The following ZNF251 variants were observed in gnomAD, a reference collection of about 807,000 sequenced individuals.
ZNF251 encodes zinc finger protein 251.
ZNF251 carries 14 observed loss-of-function variants against 13.5 expected under a neutral mutation model. That is an observed-to-expected ratio of 1.04 (90% CI 0.69 to 1.63). The LOEUF (loss-of-function observed/expected upper bound fraction) is 1.63. Ranked by LOEUF, ZNF251 falls within the 40% of genes most tolerant of loss-of-function variation. The pLI, the probability that ZNF251 is intolerant of heterozygous loss-of-function variation, is 0.00. For missense variants in ZNF251, 764 were observed against 834.9 expected, an observed-to-expected ratio of 0.92 and a Z score of 1.05; for synonymous variants, 287 against 295.2, an observed-to-expected ratio of 0.97 and a Z score of 0.28.
At chr8:144,731,376 A>T (rs1390208446) in intron 4 of ZNF251, among the ~76,000 whole-genome samples, 1 of 152,246 alleles carries the variant, frequency 6.6e-6, no homozygotes, top group Non-Finnish European at 1.5e-5. Context: ...TCTGGGCAAC[A>T]ATAACATTAT....
At chr8:144,748,283 A>C (rs1254420993) in intron 4 of ZNF251, among the ~76,000 whole-genome samples, 1 of 151,844 alleles carries the variant, frequency 6.6e-6, no homozygotes, top group Non-Finnish European at 1.5e-5. Context: ...CATGTTGGCC[A>C]GGCTAGTCTT....
chr8:144,750,397 C>T (rs1276520095), intron 4 of ZNF251, among the ~76,000 whole-genome samples: 2 of 152,122 alleles, frequency 1.3e-5, no homozygotes, highest in Non-Finnish European at 2.9e-5. Flanking sequence ...TTTCAGCTTC[C>T]CCCACCTGCC....
chr8:144,754,613 G>A (rs1214991866), intron 2 of ZNF251, 83 bp downstream of exon 2: 9 of 1,509,542 alleles, frequency 6.0e-6, no homozygotes. Context: ...CCAGTTGCCG[G>A]GCTCACGGCT....
chr8:144,754,412 A>AG (rs1015119479), intron 2 of ZNF251, 91 bp from the exon 3 acceptor site: 34 of 1,471,860 alleles, frequency 2.3e-5, no homozygotes, highest in Admixed American at 1.5e-4. Context: ...CCCACTACCC[A>AG]GGGCCCTGCT....
intron 4 of ZNF251, among the ~76,000 whole-genome samples, chr8:144,751,371 C>T (rs1039695211): frequency 6.6e-5 from 10 of 152,058 alleles, no homozygotes; most frequent in Non-Finnish European, 1.3e-4. Context: ...CTGAAATTAT[C>T]ACATTGTCTT....
intron 4 of ZNF251, among the ~76,000 whole-genome samples, chr8:144,727,393 G>C (rs1823549601): frequency 6.6e-6 from 1 of 152,174 alleles, no homozygotes; most frequent in African/African-American, 2.4e-5. Context: ...TGCAATAGAA[G>C]GCTGTTTTGT....
At chr8:144,745,737 T>A (rs1002010501) in intron 4 of ZNF251, among the ~76,000 whole-genome samples, 1 of 152,060 alleles carries the variant, frequency 6.6e-6, no homozygotes, top group Non-Finnish European at 1.5e-5. Flanking sequence ...TTTGTAGATA[T>A]GGGGTCTCAC....
Position 144,755,428 on chromosome 8 carries a change from C to G in ZNF251, c.-99G>C. On this transcript the variant is annotated 5_prime_UTR_variant, in exon 1 of 5. Coordinates refer to ENST00000292562, the MANE Select transcript of ZNF251 (RefSeq NM_138367.2). ...ACCTGTTTGCTCGACCCGGGGAAGC[C>G]ACCGAGGAAGCGCCGAGGAGCTGCG... 1 of 1,288,242 alleles carries G rather than the reference C, an allele frequency of 7.8e-7. No individual in the cohort carries two copies. The highest frequency in any genetic ancestry group is 1.0e-6 in the Non-Finnish European group (1 of 988,826). The allele number at this position is 1,288,242 out of a possible 1,614,324, so 79.8% of individuals were successfully genotyped here. A position where few individuals can be genotyped will look rare whatever the true frequency, so the allele number is the denominator to read the frequency against.
intron 3 of ZNF251, 93 bp from the exon 4 acceptor site, chr8:144,753,889 G>A (rs946943552): frequency 5.1e-5 from 49 of 952,412 alleles, no homozygotes; most frequent in South Asian, 2.4e-4. Flanking sequence ...ACGTGTGTAC[G>A]CCTGCACGTG....
intron 4 of ZNF251, chr8:144,738,673 A>T (rs1361821422): frequency 1.0e-6 from 1 of 985,336 alleles, no homozygotes; most frequent in African/African-American, 1.7e-5. Flanking sequence ...GAAACAGCAC[A>T]GTTCTCTCGT....
intron 4 of ZNF251, among the ~76,000 whole-genome samples, chr8:144,751,387 G>A (rs1344135404): frequency 1.3e-5 from 2 of 152,052 alleles, no homozygotes; most frequent in Non-Finnish European, 2.9e-5. Flanking sequence ...GTCTTTCTGA[G>A]TTTAAAATGT....
intron 4 of ZNF251, among the ~76,000 whole-genome samples, chr8:144,750,701 T>C (rs1824651011): frequency 6.6e-6 from 1 of 152,136 alleles, no homozygotes; most frequent in East Asian, 1.9e-4. Context: ...CCCCTGGAGT[T>C]TTTTTTCAGA....
chr8:144,751,060 G>A (rs1025920526), intron 4 of ZNF251, among the ~76,000 whole-genome samples: 1 of 151,944 alleles, frequency 6.6e-6, no homozygotes, highest in African/African-American at 2.4e-5. Flanking sequence ...TGTTGGCCAG[G>A]CTGGTCTTGA....
At chr8:144,739,302 C>T (rs1824049342) in intron 4 of ZNF251, among the ~76,000 whole-genome samples, 1 of 149,176 alleles carries the variant, frequency 6.7e-6, no homozygotes, top group Non-Finnish European at 1.5e-5. Context: ...ATCACGACTC[C>T]ACCTCCCCAA....
At chr8:144,754,645 C>A in intron 2 of ZNF251, 51 bp downstream of exon 2, 1 of 1,572,324 alleles carries the variant, frequency 6.4e-7, no homozygotes, top group South Asian at 1.2e-5. Flanking sequence ...TAGCTTCTGA[C>A]TGGGATGGGG....
At chr8:144,750,301 TG>T (rs745995484) in intron 4 of ZNF251, among the ~76,000 whole-genome samples, 18 of 152,268 alleles carry the variant, frequency 1.2e-4, no homozygotes, top group Non-Finnish European at 2.1e-4. Context: ...TTTCAGGTGT[TG>T]GGGTGGGAAA....
At chr8:144,753,874 T>TGTGCACGTGTGTACGC (rs1824823268) in intron 3 of ZNF251, 78 bp from the exon 4 acceptor site, 2 of 1,093,710 alleles carry the variant, frequency 1.8e-6, no homozygotes, top group Admixed American at 2.4e-5. Flanking sequence ...ATGGGCCCTG[T>TGTGCACGTGTGTACGC]GTGCACGTGT....
intron 4 of ZNF251, among the ~76,000 whole-genome samples, chr8:144,733,534 C>T (rs1052319878): frequency 6.6e-6 from 1 of 152,210 alleles, no homozygotes; most frequent in African/African-American, 2.4e-5. Flanking sequence ...GCTACAACCC[C>T]ACCTACACAC....
chr8:144,733,296 TTTGAGAGGCTGAG>T lies in ZNF251; in HGVS notation c.278-9927_278-9915del, dbSNP rs1372581254. Among the ~76,000 whole-genome samples the T allele has an allele frequency of 3.9e-5, 6 of 152,316 alleles. No homozygotes were observed. The East Asian group carries it at 7.7e-4, about 20-fold the overall frequency. ...TGGCTCACGCCTGTAATCCTAGCAC[TTTGAGAGGCTGAG>T]GTGGGAGGATCACTTGAGGCCAAAA... On this transcript the variant is annotated intron_variant, in intron 4 of 4. Coordinates refer to ENST00000292562, the MANE Select transcript of ZNF251 (RefSeq NM_138367.2).
Sources: gnomAD v4.1 joint callset for allele counts (sites outside exome capture counted in the v4.1 genomes callset) on GRCh38, gnomAD v4.1.1 for gene constraint, MANE v1.5 for transcripts, NCBI Gene and HGNC (gene_info 2026-07-23, HGNC 2026-07-21) for gene names.